RASSF6: variants seen among roughly 807,000 people sequenced by gnomAD.
RASSF6 encodes ras association domain-containing protein 6.
Under a neutral mutation model 44.0 loss-of-function variants are expected in RASSF6, and 52 were observed. That is an observed-to-expected ratio of 1.18 (90% CI 0.95 to 1.49). The LOEUF is 1.49. RASSF6 is among the 40% of genes most tolerant of loss of function. The pLI is 0.00. For synonymous variants in RASSF6, 162 were observed against 124.6 expected (o/e 1.30, Z -2.00); for missense variants, 464 against 393.3 (o/e 1.18, Z -1.52).
chr4:73,578,993 A>G (rs919549675), intron 8 of RASSF6, among the ~76,000 whole-genome samples: 2 of 152,098 alleles, frequency 1.3e-5, no homozygotes, highest in Non-Finnish European at 2.9e-5. Flanking sequence ...TTATCACTCC[A>G]TACCTTTCTC....
At chr4:73,607,813 ACCTCC>A (rs1192006882) in intron 2 of RASSF6, among the ~76,000 whole-genome samples, 14 of 150,410 alleles carry the variant, frequency 9.3e-5, no homozygotes, top group Admixed American at 2.0e-4. Context: ...TAGGACAGCT[ACCTCC>A]TCTCCTCTCC....
intron 5 of RASSF6, 63 bp downstream of exon 5, chr4:73,587,777 T>A: frequency 1.0e-6 from 1 of 954,338 alleles, no homozygotes; most frequent in Non-Finnish European, 1.7e-6. Flanking sequence ...GAGAAACATA[T>A]GGAGTCATAC....
At chr4:73,590,516 A>G (rs1724462666) in intron 4 of RASSF6, among the ~76,000 whole-genome samples, 1 of 152,244 alleles carries the variant, frequency 6.6e-6, no homozygotes, top group African/African-American at 2.4e-5. Flanking sequence ...GAATTAAAAT[A>G]GATGTTATCT....
At chr4:73,605,883 T>C (rs1725589207) in intron 2 of RASSF6, among the ~76,000 whole-genome samples, 1 of 152,230 alleles carries the variant, frequency 6.6e-6, no homozygotes, top group South Asian at 2.1e-4. Context: ...TGATGAGCAT[T>C]TTTTCATGTT....
At chr4:73,603,718 G>T (rs1019657702) in intron 2 of RASSF6, among the ~76,000 whole-genome samples, 4 of 152,164 alleles carry the variant, frequency 2.6e-5, no homozygotes, top group Admixed American at 6.6e-5. Flanking sequence ...TATTTGGCTG[G>T]CTGGAAGAAA....
rs1175035985 is a variant in RASSF6, at chr4:73,576,179, CAA to C, written c.*54_*55del. On this transcript the variant is annotated 3_prime_UTR_variant, in exon 11 of 11. Coordinates refer to ENST00000307439, the MANE Select transcript of RASSF6 (RefSeq NM_177532.5). ...GCAAGTACAGAACTTATGCATTCAT[CAA>C]AGAGTAATATCTCTGAGTTTTTTGA... 1.4e-5 allele frequency: 13 copies of C among 955,654 alleles called. No homozygotes were observed. Among genetic ancestry groups the C allele is most frequent in the African/African-American group, 8.3e-5 (5 of 60,582 alleles). The allele number at this position is 955,654 out of a possible 1,614,324, so 59.2% of individuals were successfully genotyped here.
chr4:73,596,733 C>A (rs1192938464), intron 3 of RASSF6, among the ~76,000 whole-genome samples: 1 of 152,120 alleles, frequency 6.6e-6, no homozygotes, highest in East Asian at 1.9e-4. Flanking sequence ...TACTACTGGG[C>A]TACAGTAACC....
intron 8 of RASSF6, among the ~76,000 whole-genome samples, chr4:73,580,271 A>C (rs1407830424): frequency 2.0e-5 from 3 of 151,456 alleles, no homozygotes; most frequent in Admixed American, 1.3e-4. Context: ...CCAGTCTATC[A>C]TTGTTGGACA....
chr4:73,619,232 A>C (rs1176112464), intron 1 of RASSF6, among the ~76,000 whole-genome samples: 1 of 152,246 alleles, frequency 6.6e-6, no homozygotes, highest in African/African-American at 2.4e-5. Context: ...TAGGAATAAC[A>C]GATTAATGTA....
chr4:73,616,419 T>C (rs944637808), intron 1 of RASSF6, among the ~76,000 whole-genome samples: 2 of 152,200 alleles, frequency 1.3e-5, no homozygotes, highest in African/African-American at 4.8e-5. Context: ...ATTTGATTAC[T>C]AGGTCCTTTA....
intron 2 of RASSF6, chr4:73,603,971 A>C (rs975080123): frequency 4.6e-5 from 7 of 152,156 alleles, no homozygotes; most frequent in African/African-American, 1.7e-4. Flanking sequence ...GTTTGAACCC[A>C]CTAAGGACAA....
chr4:73,593,010 G>A (rs1724669391), intron 4 of RASSF6, among the ~76,000 whole-genome samples: 1 of 121,552 alleles, frequency 8.2e-6, no homozygotes, highest in Admixed American at 1.1e-4. Flanking sequence ...ACTTCATTGA[G>A]TTGCTGGGAT....
rs193088743 is a variant in RASSF6 at position 73,575,659 on chromosome 4, A to C, written c.*576T>G. On this transcript the variant is annotated 3_prime_UTR_variant, in exon 11 of 11. Transcript: ENST00000307439. ...CAGAAAATTTCAATTAGGATTTCTTAACAGAGTCCATAATTTTTCCTTTCC... is the reference window on the plus strand; with the variant it reads ...CAGAAAATTTCAATTAGGATTTCTTCACAGAGTCCATAATTTTTCCTTTCC... The C allele has an allele frequency of 4.6e-5, 7 of 152,324 alleles. No homozygotes were observed. Among genetic ancestry groups the C allele is most frequent in the Admixed American group, 1.3e-4 (2 of 15,300 alleles). 9.4% of individuals were successfully genotyped at this position (152,324 alleles called of 1,614,324 possible). A position where few individuals can be genotyped will look rare whatever the true frequency, so the allele number is the denominator to read the frequency against.
At chr4:73,595,177 T>A (rs1724844428) in intron 3 of RASSF6, among the ~76,000 whole-genome samples, 1 of 152,182 alleles carries the variant, frequency 6.6e-6, no homozygotes, top group Admixed American at 6.5e-5. Context: ...ATGAAACTAT[T>A]TTAAAAAATT....
rs568978138 is a variant in RASSF6 at position 73,593,389 on chromosome 4, C to T, written c.287+62G>A. 5.9e-4 allele frequency: 855 copies of T among 1,454,112 alleles called. 1 individual carries two copies. Among genetic ancestry groups the T allele is most frequent in the Non-Finnish European group, 7.7e-4 (819 of 1,063,396 alleles). The allele number at this position is 1,454,112 out of a possible 1,614,324, so 90.1% of individuals were successfully genotyped here. The stretch of plus-strand genomic sequence containing the variant: ...TTAAGTTTCCCTCCTTAAGAGTGCA[C>T]GCAATAAAACTAGATATGAAGATCA... On this transcript the variant is annotated intron_variant, in intron 4 of 10. Transcript: ENST00000307439.
intron 2 of RASSF6, among the ~76,000 whole-genome samples, chr4:73,607,112 A>C (rs985817843): frequency 6.6e-6 from 1 of 152,340 alleles, no homozygotes; most frequent in Admixed American, 6.5e-5. Flanking sequence ...CCTTGCTGCT[A>C]TTCAGAGGAT....
At chr4:73,612,553 G>A (rs954152651) in intron 1 of RASSF6, among the ~76,000 whole-genome samples, 18 of 149,278 alleles carry the variant, frequency 1.2e-4, no homozygotes, top group Admixed American at 1.1e-3. Context: ...TTCAAATCTG[G>A]TTATTTGGGT....
chr4:73,605,778 CAT>C (rs756837706), intron 2 of RASSF6, among the ~76,000 whole-genome samples: 2 of 152,162 alleles, frequency 1.3e-5, no homozygotes, highest in Non-Finnish European at 2.9e-5. Flanking sequence ...GCCTCGCCAA[CAT>C]ATGTTATTTT....
At chr4:73,586,782 G>T (rs1362143806) in intron 5 of RASSF6, among the ~76,000 whole-genome samples, 1 of 151,682 alleles carries the variant, frequency 6.6e-6, no homozygotes, top group Non-Finnish European at 1.5e-5. Context: ...AATTGGAAGG[G>T]CCGATATTTA....
Sources: gnomAD v4.1 joint callset for allele counts (sites outside exome capture counted in the v4.1 genomes callset) on GRCh38, gnomAD v4.1.1 for gene constraint, MANE v1.5 for transcripts, NCBI Gene and HGNC (gene_info 2026-07-23, HGNC 2026-07-21) for gene names.